Variants in GTF3C1 observed in about 807,000 individuals in gnomAD.
GTF3C1 encodes general transcription factor 3C polypeptide 1.
Under a neutral mutation model 226.7 loss-of-function variants are expected in GTF3C1, and 57 were observed. That is an observed-to-expected ratio of 0.25 (90% CI 0.20 to 0.31). GTF3C1 has a LOEUF of 0.31. Ranked by LOEUF, GTF3C1 falls within the 10% of genes least tolerant of loss-of-function variation. GTF3C1 has a pLI of 1.00. For missense variants in GTF3C1, 2,217 were observed against 2,776.1 expected, an observed-to-expected ratio of 0.80 and a Z score of 4.53; for synonymous variants, 1,090 against 1,084.8, an observed-to-expected ratio of 1.00 and a Z score of -0.09.
chr16:27,468,969 G>A (rs1035068497), intron 32 of GTF3C1, among the ~76,000 whole-genome samples: 3 of 152,204 alleles, frequency 2.0e-5, no homozygotes, highest in East Asian at 3.9e-4. Context: ...AGGGCCGCCC[G>A]TGGAGAGTGG....
Position 27,463,784 on chromosome 16 carries a change from C to T in GTF3C1, c.5873-192G>A. The T allele has an allele frequency of 1.6e-6, 1 of 616,808 alleles. No individual in the cohort carries two copies. Among genetic ancestry groups the T allele is most frequent in the East Asian group, 2.9e-5 (1 of 34,968 alleles). 38.2% of individuals were successfully genotyped at this position (616,808 alleles called of 1,614,324 possible). On this transcript the variant is annotated intron_variant, in intron 34 of 36. Coordinates refer to ENST00000356183, the MANE Select transcript of GTF3C1 (RefSeq NM_001520.4). This position sits in a 1 kb window ranked among gnomAD's most constrained non-coding sequence, Gnocchi z 4.9. ...GGTGGCAGGGCCGGGCAGACTGCCG[C>T]ACACAGCGCCACATGCAAGCAGCGT...
chr16:27,480,001 C>G (rs2088014959), intron 27 of GTF3C1, among the ~76,000 whole-genome samples: 1 of 151,940 alleles, frequency 6.6e-6, no homozygotes, highest in Non-Finnish European at 1.5e-5. Context: ...GAGATCCAGA[C>G]CATCCTGGCT....
Position 27,460,621 on chromosome 16 carries a change from A to T in GTF3C1, c.*729T>A, listed in dbSNP as rs1401052520. On this transcript the variant is annotated 3_prime_UTR_variant, in exon 37 of 37. Transcript: ENST00000356183. The stretch of plus-strand genomic sequence containing the variant: ...AAACACACAAAACAGAATGCATTTT[A>T]CTTCCCTTTAATCAAAAAATAAATA... 18 of 152,218 alleles carry T rather than the reference A, an allele frequency of 1.2e-4. No homozygotes were observed. The highest frequency in any genetic ancestry group is 1.1e-3 in the Admixed American group (17 of 15,278). 9.4% of individuals were successfully genotyped at this position (152,218 alleles called of 1,614,324 possible).
At chr16:27,476,706 TA>T in intron 28 of GTF3C1, among the ~76,000 whole-genome samples, 162 bp from the exon 29 acceptor site, 1 of 152,374 alleles carries the variant, frequency 6.6e-6, no homozygotes, top group East Asian at 1.9e-4. Flanking sequence ...TAGGCTTTAC[TA>T]ACAGGTCCAT....
chr16:27,544,695 G>GGGAATTGGGATACTGA (rs1378460631), intron 2 of GTF3C1, among the ~76,000 whole-genome samples: 1 of 152,108 alleles, frequency 6.6e-6, no homozygotes, highest in Non-Finnish European at 1.5e-5. Flanking sequence ...AGACACTCTG[G>GGGAATTGGGATACTGA]GGAATTGGGA....
intron 23 of GTF3C1, 119 bp from the exon 24 acceptor site, chr16:27,486,273 A>C (rs1477390726): frequency 5.1e-6 from 3 of 591,820 alleles, no homozygotes; most frequent in Non-Finnish European, 9.1e-6. Context: ...ATTGGTTAGC[A>C]GATACTCATT....
chr16:27,476,300 T>TA (rs1318200568), intron 29 of GTF3C1, 151 bp downstream of exon 29: 6 of 581,276 alleles, frequency 1.0e-5, no homozygotes, highest in South Asian at 4.3e-5. Context: ...AAAACAACGA[T>TA]AAAAAAATAA....
chr16:27,519,558 T>C (rs1323729883), intron 6 of GTF3C1, among the ~76,000 whole-genome samples: 1 of 152,078 alleles, frequency 6.6e-6, no homozygotes, highest in Non-Finnish European at 1.5e-5. Context: ...CAGCCCAGTC[T>C]CACATGGGAG....
chr16:27,466,183 T>C (rs1368152634), intron 32 of GTF3C1: 1 of 152,524 alleles, frequency 6.6e-6, no homozygotes, highest in Non-Finnish European at 1.5e-5. Flanking sequence ...TATTGTGTTC[T>C]TGGGTTTTTT....
At chr16:27,529,812 A>T (rs1026410288) in intron 5 of GTF3C1, among the ~76,000 whole-genome samples, 1 of 152,236 alleles carries the variant, frequency 6.6e-6, no homozygotes, top group African/African-American at 2.4e-5. Flanking sequence ...AGGGGGCCAC[A>T]GCCTTTGCGC....
Position 27,507,431 on chromosome 16 carries a change from C to T in GTF3C1, c.1243-275G>A, listed in dbSNP as rs2088502788. 6.6e-6 allele frequency among the ~76,000 whole-genome samples: 1 copy of T among 151,412 alleles called. No individual in the cohort carries two copies. The highest frequency in any genetic ancestry group is 1.5e-5 in the Non-Finnish European group (1 of 68,030). On this transcript the variant is annotated intron_variant, in intron 8 of 36. Transcript: ENST00000356183. The surrounding 1 kb of genome is among the most constrained non-coding windows in gnomAD (Gnocchi z 4.9). ...GAGCTTCTCAGGGACAGGGCTCTGA[C>T]TTAACCTTCCATATAGCCCCAGTGG...
At position 27,464,384 on chromosome 16, in the gene GTF3C1, A is replaced by G. The variant is rs2087751028; in HGVS notation, c.5808T>C (p.Ser1936=). 2 of 1,590,564 alleles carry G rather than the reference A, an allele frequency of 1.3e-6. No individual in the cohort carries two copies. The highest frequency in any genetic ancestry group is 1.1e-5 in the South Asian group (1 of 87,316). The part of the protein sequence containing the change: ...QEDQEGVGEF[S]SPGQEQLSGQ... ...CGCTCAGCTGCTCTTGGCCTGGGGA[A>G]CTGAACTCACCGACACCCTCTTGGT... Residue 1936 remains serine (S), a synonymous_variant, in exon 34 of 37, where the codon AGT becomes AGC. Coordinates refer to ENST00000356183, the MANE Select transcript of GTF3C1 (RefSeq NM_001520.4).
At position 27,464,920 on chromosome 16, in the gene GTF3C1, CCT is replaced by C. The variant is rs2087762424; in HGVS notation, c.5356-86_5356-85del. On this transcript the variant is annotated intron_variant, in intron 33 of 36. Transcript: ENST00000356183. Reference sequence around the variant, plus strand: ...ACGGGGGACGAGTGGAGTGGCCTCCCCTGACTGGCGGGTTGAGTGCCCTGAGC... The same window carrying C: ...ACGGGGGACGAGTGGAGTGGCCTCCCGACTGGCGGGTTGAGTGCCCTGAGC... The C allele has an allele frequency of 2.5e-6, 3 of 1,197,518 alleles. No homozygotes were observed. In the South Asian group the frequency reaches 4.8e-5, roughly 19 times the overall value. The allele number at this position is 1,197,518 out of a possible 1,614,324, so 74.2% of individuals were successfully genotyped here.
chr16:27,473,188 C>T, intron 29 of GTF3C1, among the ~76,000 whole-genome samples: 1 of 152,252 alleles, frequency 6.6e-6, no homozygotes, highest in East Asian at 1.9e-4. Context: ...AGGCGTAAGC[C>T]ACCATGCCTG....
Position 27,471,799 on chromosome 16 carries a change from C to T in GTF3C1, c.4475G>A (p.Arg1492Gln), listed in dbSNP as rs777749301. 1.9e-6 allele frequency: 3 copies of T among 1,613,850 alleles called. No homozygotes were observed. The highest frequency in any genetic ancestry group is 3.3e-5 in the Admixed American group (2 of 59,982). ...GGACATTGGCACGAAGGGGAGGGCC[C>T]GGTTCTTCTTGGGGCCCAGCGTGTG... The part of the protein sequence containing the change: ...VNHTLGPKKN[R>Q]ALPFVPMSYQ... The change falls in exon 30 of 37, where the codon CGG becomes CAG. Residue 1492 changes from arginine (R) to glutamine (Q), a missense_variant. Arg to Gln is a conservative substitution (Grantham distance 43). Transcript: ENST00000356183. This position sits in a 1 kb window ranked among gnomAD's most constrained non-coding sequence, Gnocchi z 5.0.
At chr16:27,481,908 C>T (rs2088054826) in intron 26 of GTF3C1, among the ~76,000 whole-genome samples, 1 of 152,174 alleles carries the variant, frequency 6.6e-6, no homozygotes, top group African/African-American at 2.4e-5. Context: ...CTGTGGGTCA[C>T]CTATTCCATT....
intron 2 of GTF3C1, among the ~76,000 whole-genome samples, chr16:27,543,531 CAG>C (rs2089119900): frequency 6.6e-6 from 1 of 152,186 alleles, no homozygotes; most frequent in South Asian, 2.1e-4. Flanking sequence ...GCTGGTACTA[CAG>C]AGTGTGCCAC....
chr16:27,533,455 C>G (rs1269729102), intron 4 of GTF3C1, 68 bp from the exon 5 acceptor site: 9 of 808,512 alleles, frequency 1.1e-5, no homozygotes, highest in South Asian at 1.1e-4. Flanking sequence ...CTGCCTGTTT[C>G]TTAAAGATGA....
intron 2 of GTF3C1, among the ~76,000 whole-genome samples, chr16:27,544,974 C>CTT: frequency 7.7e-6 from 1 of 130,324 alleles, no homozygotes; most frequent in African/African-American, 2.8e-5. Flanking sequence ...TTCTTTTTTC[C>CTT]TTTTTTTTTT....
Sources: gnomAD v4.1 joint callset for allele counts (sites outside exome capture counted in the v4.1 genomes callset) on GRCh38, gnomAD v4.1.1 for gene constraint, Gnocchi (gnomAD v3.1) non-coding constraint, MANE v1.5 for transcripts, NCBI Gene and HGNC (gene_info 2026-07-23, HGNC 2026-07-21) for gene names.